GSG1L: variants seen among roughly 807,000 people sequenced by gnomAD.
GSG1L encodes the protein GSG1 like.
In GSG1L, 24 loss-of-function variants were observed where a neutral mutation model predicts 42.1. The observed-to-expected ratio is 0.57, with a 90% CI of 0.41 to 0.80. The LOEUF is 0.80. Among genes scored for constraint, GSG1L ranks in the 30% least tolerant of loss-of-function variants. The pLI is 0.00. For missense variants in GSG1L, 445 were observed against 472.2 expected, an observed-to-expected ratio of 0.94 and a Z score of 0.53; for synonymous variants, 215 against 203.5, an observed-to-expected ratio of 1.06 and a Z score of -0.48.
At chr16:27,858,545 G>T (rs919302219) in intron 3 of GSG1L, among the ~76,000 whole-genome samples, 4 of 152,186 alleles carry the variant, frequency 2.6e-5, no homozygotes, top group Non-Finnish European at 5.9e-5. Flanking sequence ...CTTTCTGGAT[G>T]ATAGGCTGTC....
chr16:27,887,974 A>G (rs1250912014), intron 2 of GSG1L: 1 of 465,304 alleles, frequency 2.1e-6, no homozygotes, highest in East Asian at 1.5e-4. Context: ...GGCAGCGGGG[A>G]GCAAAGCAGG....
rs116025368 is a variant in GSG1L, at chr16:27,845,045, G to C, written c.567C>G (p.Val189=). 26 of 1,612,888 alleles carry C rather than the reference G, an allele frequency of 1.6e-5. No individual in the cohort carries two copies. The highest frequency in any genetic ancestry group is 2.2e-5 in the Non-Finnish European group (26 of 1,179,392). The change falls in exon 4 of 7, where the codon GTC becomes GTG. Residue 189 remains valine (V), a synonymous_variant. Transcript: ENST00000447459. ...ACACCTGCGTGTACATCATGTGGGC[G>C]ACCATTCCCAGGAGGCCTGTGGGGC... The part of the protein sequence containing the change: ...FTVLSGLLGM[V]AHMMYTQVFQ...
At chr16:27,928,114 A>G (rs1033184403) in intron 2 of GSG1L, among the ~76,000 whole-genome samples, 3 of 152,200 alleles carry the variant, frequency 2.0e-5, no homozygotes, top group South Asian at 4.2e-4. Context: ...AATGCAGATA[A>G]CTGTAGCAGC....
intron 2 of GSG1L, among the ~76,000 whole-genome samples, chr16:27,900,319 T>A (rs1177755987): frequency 6.6e-6 from 1 of 152,236 alleles, no homozygotes; most frequent in Non-Finnish European, 1.5e-5. Context: ...CTCTATGCCT[T>A]GGGTGCTATT....
intron 3 of GSG1L, among the ~76,000 whole-genome samples, chr16:27,876,969 T>C (rs2083895926): frequency 6.6e-6 from 1 of 152,236 alleles, no homozygotes; most frequent in African/African-American, 2.4e-5. Flanking sequence ...AGTGCTGTTT[T>C]TCCTGAAAGC....
rs558564239 is a variant in GSG1L at position 27,898,507 on chromosome 16, TG to T, written c.398-13870del. 1.3e-3 allele frequency among the ~76,000 whole-genome samples: 191 copies of T among 152,170 alleles called. 1 individual carries two copies. Among genetic ancestry groups the T allele is most frequent in the African/African-American group, 4.3e-3 (180 of 41,528 alleles). ...TCAAAGACAGGTTTTTGAGATTTTT[TG>T]TTTTGTTTACTGTTTGCTTTGTTCC... On this transcript the variant is annotated intron_variant, in intron 2 of 6. Transcript: ENST00000447459.
At chr16:27,845,168 G>T in intron 3 of GSG1L, 107 bp from the exon 4 acceptor site, 1 of 705,742 alleles carries the variant, frequency 1.4e-6, no homozygotes, top group Non-Finnish European at 2.4e-6. Context: ...TGTGATCACT[G>T]TGGAGAACAG....
intron 4 of GSG1L, among the ~76,000 whole-genome samples, chr16:27,841,601 G>T (rs919122965): frequency 3.3e-5 from 5 of 152,186 alleles, no homozygotes; most frequent in African/African-American, 4.8e-5. Context: ...TATTAAACAA[G>T]AGAGATGACA....
intron 2 of GSG1L, among the ~76,000 whole-genome samples, chr16:27,907,739 A>T (rs1418127804): frequency 2.0e-5 from 3 of 152,206 alleles, no homozygotes; most frequent in Non-Finnish European, 4.4e-5. Flanking sequence ...TAACAGAACA[A>T]ATGTCTCAGC....
At chr16:28,053,664 G>T (rs1012821312) in intron 1 of GSG1L, among the ~76,000 whole-genome samples, 1 of 152,296 alleles carries the variant, frequency 6.6e-6, no homozygotes, top group African/African-American at 2.4e-5. Context: ...GGCTCCCCTC[G>T]CTCGCCTCTC....
At chr16:28,060,134 T>A (rs2086324142) in intron 1 of GSG1L, among the ~76,000 whole-genome samples, 1 of 148,144 alleles carries the variant, frequency 6.8e-6, no homozygotes, top group Admixed American at 6.8e-5. Context: ...TGTAGTTTGA[T>A]GGAAGGGAGG....
chr16:27,960,346 G>T (rs1311096919), intron 2 of GSG1L, among the ~76,000 whole-genome samples: 1 of 152,104 alleles, frequency 6.6e-6, no homozygotes. Flanking sequence ...GGGATTACAG[G>T]AGCCAACGTG....
intron 2 of GSG1L, among the ~76,000 whole-genome samples, chr16:27,899,236 A>G (rs978769442): frequency 6.6e-6 from 1 of 152,200 alleles, no homozygotes; most frequent in African/African-American, 2.4e-5. Flanking sequence ...GCAGGAAAGC[A>G]TTTACCCGCT....
At chr16:27,933,093 C>A (rs1379784257) in intron 2 of GSG1L, among the ~76,000 whole-genome samples, 4 of 151,772 alleles carry the variant, frequency 2.6e-5, no homozygotes, top group South Asian at 4.1e-4. Flanking sequence ...AAGGGGGCAC[C>A]TTTGTAAAAA....
intron 2 of GSG1L, among the ~76,000 whole-genome samples, chr16:27,904,435 C>T (rs766720453): frequency 2.6e-5 from 4 of 152,076 alleles, no homozygotes; most frequent in South Asian, 2.1e-4. Context: ...TTAAAATTGC[C>T]GATGCCCCTC....
chr16:27,865,033 G>C (rs565968787), intron 3 of GSG1L, among the ~76,000 whole-genome samples: 1 of 152,308 alleles, frequency 6.6e-6, no homozygotes, highest in East Asian at 1.9e-4. Flanking sequence ...TGTGCTGTGA[G>C]GTCCCCTTAG....
intron 5 of GSG1L, among the ~76,000 whole-genome samples, chr16:27,812,324 G>T (rs1055721601): frequency 6.6e-6 from 1 of 152,240 alleles, no homozygotes. Context: ...AGGAGGATAT[G>T]AAGAGGGTTG....
intron 2 of GSG1L, among the ~76,000 whole-genome samples, chr16:27,901,699 T>C (rs1051635269): frequency 6.6e-6 from 1 of 152,200 alleles, no homozygotes; most frequent in Non-Finnish European, 1.5e-5. Context: ...AGAGTTACCT[T>C]TCAGAAATGT....
At chr16:27,844,856 A>ACCGCCCCCCCCCCCC in intron 4 of GSG1L, 94 bp downstream of exon 4, 1 of 69,334 alleles carries the variant, frequency 1.4e-5, no homozygotes, top group South Asian at 1.3e-4. Flanking sequence ...CCTCCCCCCC[A>ACCGCCCCCCCCCCCC]CCGCCCCCCA....
Sources: allele counts gnomAD v4.1 joint callset (sites outside exome capture counted in the v4.1 genomes callset), GRCh38; gene constraint gnomAD v4.1.1; transcripts MANE v1.5; gene names NCBI Gene and HGNC (gene_info 2026-07-23, HGNC 2026-07-21).